Variants in MICAL3 observed in about 807,000 individuals in gnomAD.
The protein encoded by MICAL3 is microtubule associated monooxygenase, calponin and LIM domain containing 3.
In MICAL3, 62 loss-of-function variants were observed where a neutral mutation model predicts 207.4. The observed-to-expected ratio is 0.30, with a 90% CI of 0.24 to 0.37. MICAL3 has a LOEUF of 0.37. Among genes scored for constraint, MICAL3 ranks in the 10% least tolerant of loss-of-function variants. The probability of loss-of-function intolerance (pLI) is 1.00; values close to 1 mark genes in which losing one functional copy is unlikely to be tolerated. For missense variants in MICAL3, 2,368 were observed against 2,635.6 expected, an observed-to-expected ratio of 0.90 and a Z score of 2.22; for synonymous variants, 1,077 against 1,069.3, an observed-to-expected ratio of 1.01 and a Z score of -0.14.
chr22:17,791,259 A>G lies in MICAL3; in HGVS notation c.5693T>C (p.Phe1898Ser). 6.2e-7 allele frequency: 1 copy of G among 1,613,706 alleles called. No homozygotes were observed. Among genetic ancestry groups the G allele is most frequent in the Non-Finnish European group, 8.5e-7 (1 of 1,179,826 alleles). ...GGCGTTCTTCTCCTGCACTAGCTTG[A>G]ACCACTCCTGCATCAGCTTGGGGTC... ...KDDPKLMQEW[F>S]KLVQEKNAMV... Residue 1898 changes from phenylalanine to serine, a missense_variant, in exon 30 of 32, where the codon TTC becomes TCC. This residue lies in a region of MICAL3 where 1,770 missense variants were observed against 1,863.2 expected (regional missense o/e 0.95). Coordinates refer to ENST00000441493, the MANE Select transcript of MICAL3 (RefSeq NM_015241.3).
intron 1 of MICAL3, among the ~76,000 whole-genome samples, chr22:17,924,836 C>T (rs1027311667): frequency 6.6e-6 from 1 of 152,202 alleles, no homozygotes; most frequent in African/African-American, 2.4e-5. Flanking sequence ...GACATAGTAA[C>T]ATGCCCACAA....
rs1602179242 is a variant in MICAL3, at chr22:17,900,236, C to T, written c.847+606G>A. On this transcript the variant is annotated intron_variant, in intron 6 of 31. Coordinates refer to ENST00000441493, the MANE Select transcript of MICAL3 (RefSeq NM_015241.3). This position sits in a 1 kb window ranked among gnomAD's most constrained non-coding sequence, Gnocchi z 4.0. The stretch of plus-strand genomic sequence containing the variant: ...CCAGCAGCTACACCAAGCAGCATGC[C>T]TCAGCATCACAGCACAGGGCAGGCA... Among the ~76,000 whole-genome samples, 1 of 152,282 alleles carries T rather than the reference C, an allele frequency of 6.6e-6. No homozygotes were observed. The highest frequency in any genetic ancestry group is 1.9e-4 in the East Asian group (1 of 5,174).
chr22:17,837,800 C>G (rs1923560641), intron 20 of MICAL3, among the ~76,000 whole-genome samples: 1 of 152,220 alleles, frequency 6.6e-6, no homozygotes, highest in South Asian at 2.1e-4. Flanking sequence ...TTCCTGGCCT[C>G]CACCCCAAAC....
chr22:17,874,682 T>C (rs1308180344), intron 16 of MICAL3, among the ~76,000 whole-genome samples: 1 of 152,172 alleles, frequency 6.6e-6, no homozygotes, highest in Non-Finnish European at 1.5e-5. Context: ...ATAGCAGAAA[T>C]GTGGCAATTG....
intron 19 of MICAL3, chr22:17,860,698 C>T: frequency 1.0e-6 from 1 of 985,440 alleles, no homozygotes; most frequent in Non-Finnish European, 1.2e-6. Context: ...GGTGTCCTGG[C>T]AGCAGCAGCC....
chr22:17,979,210 C>T (rs1242494940), intron 1 of MICAL3, among the ~76,000 whole-genome samples: 14 of 151,704 alleles, frequency 9.2e-5, no homozygotes, highest in Admixed American at 9.2e-4. Context: ...TCTTATGAGT[C>T]ACCATATTCT....
chr22:17,791,655 A>G (rs1181668723), intron 29 of MICAL3: 2 of 291,932 alleles, frequency 6.9e-6, no homozygotes, highest in East Asian at 1.6e-4. Context: ...CTTGCTATGT[A>G]CTAGGTCTCC....
chr22:17,922,831 G>C (rs1487685596), intron 1 of MICAL3, among the ~76,000 whole-genome samples: 1 of 152,130 alleles, frequency 6.6e-6, no homozygotes, highest in Non-Finnish European at 1.5e-5. Context: ...TAGCTCCAAG[G>C]CCATGGTTTT....
intron 1 of MICAL3, among the ~76,000 whole-genome samples, chr22:18,012,875 C>T (rs948000878): frequency 1.3e-5 from 2 of 152,226 alleles, no homozygotes; most frequent in Non-Finnish European, 2.9e-5. Context: ...ATCAGCTCCA[C>T]GGTGGTAACT....
chr22:17,958,057 G>T (rs1313097932), intron 1 of MICAL3, among the ~76,000 whole-genome samples: 1 of 152,152 alleles, frequency 6.6e-6, no homozygotes, highest in Non-Finnish European at 1.5e-5. Flanking sequence ...CCAATGAGTT[G>T]GCATAACACG....
chr22:17,805,082 C>T (rs181234608), intron 29 of MICAL3, among the ~76,000 whole-genome samples: 9 of 152,336 alleles, frequency 5.9e-5, no homozygotes, highest in Non-Finnish European at 7.3e-5. Context: ...CAAAGTCTGA[C>T]GCCCTCAGAC....
Position 17,817,714 on chromosome 22 carries a change from G to A in MICAL3, c.4947C>T (p.Ser1649=), listed in dbSNP as rs1921151611. 12 of 1,596,492 alleles carry A rather than the reference G, an allele frequency of 7.5e-6. No individual in the cohort carries two copies. Among genetic ancestry groups the A allele is most frequent in the East Asian group, 2.2e-5 (1 of 44,730 alleles). ...PSQGKERRPD[S]PTRPTLRGSE... ...AGCCCCTGAGAGTGGGGCGTGTGGG[G>A]GAGTCAGGCCGGCGCTCCTTGCCCT... The change falls in exon 26 of 32, where the codon TCC becomes TCT. Residue 1649 remains serine (S), a synonymous_variant. Coordinates refer to ENST00000441493, the MANE Select transcript of MICAL3 (RefSeq NM_015241.3).
At chr22:17,811,038 G>A (rs1231741495) in intron 27 of MICAL3, 1 of 513,536 alleles carries the variant, frequency 1.9e-6, no homozygotes, top group African/African-American at 1.9e-5. Flanking sequence ...GCAGCCCTCA[G>A]TGCCACGGGC....
intron 29 of MICAL3, among the ~76,000 whole-genome samples, chr22:17,792,999 G>C (rs1367183778): frequency 6.6e-6 from 1 of 151,990 alleles, no homozygotes; most frequent in Non-Finnish European, 1.5e-5. Context: ...GGCCACGGCG[G>C]CACCAGGGAG....
At chr22:17,936,345 C>T (rs1251298921) in intron 1 of MICAL3, among the ~76,000 whole-genome samples, 12 of 152,020 alleles carry the variant, frequency 7.9e-5, no homozygotes, top group Non-Finnish European at 1.5e-4. Flanking sequence ...AAACACTGCA[C>T]GTTCTCACTC....
At chr22:17,939,462 G>A (rs1029787544) in intron 1 of MICAL3, among the ~76,000 whole-genome samples, 2 of 152,190 alleles carry the variant, frequency 1.3e-5, no homozygotes, top group Non-Finnish European at 2.9e-5. Context: ...GGTGCTGCAG[G>A]GGCAAGTAGC....
At chr22:17,838,283 G>A (rs1173555764) in intron 20 of MICAL3, among the ~76,000 whole-genome samples, 1 of 152,206 alleles carries the variant, frequency 6.6e-6, no homozygotes, top group Non-Finnish European at 1.5e-5. Flanking sequence ...TCAGCCCAAC[G>A]TGTTGTGCTT....
chr22:18,012,780 G>C (rs976916230), intron 1 of MICAL3, among the ~76,000 whole-genome samples: 1 of 152,206 alleles, frequency 6.6e-6, no homozygotes, highest in Non-Finnish European at 1.5e-5. Flanking sequence ...CCTTGCAGGA[G>C]GTCAGGTGAA....
At position 17,945,675 on chromosome 22, in the gene MICAL3, C is replaced by T. The variant is rs368183219; in HGVS notation, c.-74-38789G>A. On this transcript the variant is annotated intron_variant, in intron 1 of 31. Coordinates refer to ENST00000441493, the MANE Select transcript of MICAL3 (RefSeq NM_015241.3). ...AGCGGGCCCCTCTCCACACAGCCCC[C>T]ATACGCCCCAATTCCACCAGGCACC... 7.4e-3 allele frequency among the ~76,000 whole-genome samples: 1,126 copies of T among 152,288 alleles called. 6 individuals are homozygous for T. The highest frequency in any genetic ancestry group is 0.017 in the Middle Eastern group (5 of 294).
Sources: allele counts gnomAD v4.1 joint callset (sites outside exome capture counted in the v4.1 genomes callset), GRCh38; gene constraint gnomAD v4.1.1; regional missense constraint gnomAD v4.1.1; non-coding constraint Gnocchi (gnomAD v3.1); transcripts MANE v1.5; gene names NCBI Gene and HGNC (gene_info 2026-07-23, HGNC 2026-07-21).